ELP4: variants seen among roughly 807,000 people sequenced by gnomAD.
ELP4 encodes elongator acetyltransferase complex subunit 4, also known as elongator complex protein 4.
Under a neutral mutation model 48.9 loss-of-function variants are expected in ELP4, and 51 were observed. That is an observed-to-expected ratio of 1.04 (90% CI 0.83 to 1.32). The LOEUF is 1.32. Ranked by LOEUF, ELP4 falls within the 40% of genes most tolerant of loss-of-function variation. The pLI is 0.00. For synonymous variants in ELP4, 210 were observed against 189.2 expected, an observed-to-expected ratio of 1.11 and a Z score of -0.90; for missense variants, 519 against 514.6, an observed-to-expected ratio of 1.01 and a Z score of -0.08.
intron 9 of ELP4, among the ~76,000 whole-genome samples, chr11:31,669,824 T>C (rs1945770003): frequency 6.6e-6 from 1 of 152,222 alleles, no homozygotes; most frequent in African/African-American, 2.4e-5. Context: ...GTATTAGTAA[T>C]CAGTCCTCCA....
rs1465321307 is a variant in ELP4, at chr11:31,789,119, G to A, written c.*5595G>A. 4.9e-6 allele frequency: 1 copy of A among 202,856 alleles called. No homozygotes were observed. Among genetic ancestry groups the A allele is most frequent in the Non-Finnish European group, 1.0e-5 (1 of 98,644 alleles). The allele number at this position is 202,856 out of a possible 1,614,324, so 12.6% of individuals were successfully genotyped here. On this transcript the variant is annotated 3_prime_UTR_variant, in exon 10 of 10. Coordinates refer to ENST00000640961, the MANE Select transcript of ELP4 (RefSeq NM_019040.5). The stretch of plus-strand genomic sequence containing the variant: ...TGAACAGTAATACAACTATATCTAA[G>A]AACAATTAACTTTTGCTGGCCAAAA...
At chr11:31,608,846 G>A (rs1264804210) in intron 5 of ELP4, among the ~76,000 whole-genome samples, 1 of 152,124 alleles carries the variant, frequency 6.6e-6, no homozygotes, top group Non-Finnish European at 1.5e-5. Flanking sequence ...TTTAGATAAA[G>A]CCGAGTAGCT....
chr11:31,618,766 C>G (rs1324858683), intron 5 of ELP4, among the ~76,000 whole-genome samples: 1 of 151,948 alleles, frequency 6.6e-6, no homozygotes, highest in East Asian at 1.9e-4. Flanking sequence ...TATGAGATTC[C>G]TTTTTGAAGG....
intron 4 of ELP4, among the ~76,000 whole-genome samples, chr11:31,597,321 G>C (rs1417052211): frequency 1.3e-5 from 2 of 152,148 alleles, no homozygotes; most frequent in East Asian, 3.9e-4. Context: ...ATAGAAGGAA[G>C]CTCTGTGTAA....
rs577006624 is a variant in ELP4 at position 31,636,189 on chromosome 11, A to G, written c.927+3784A>G. ...TTCCTATTCACATGGAACTTTTTCA[A>G]CAATGTAAAAGATAGGATGGAACAG... On this transcript the variant is annotated intron_variant, in intron 7 of 9. Transcript: ENST00000640961. 8.5e-5 allele frequency among the ~76,000 whole-genome samples: 13 copies of G among 152,118 alleles called. No individual in the cohort carries two copies. The East Asian group carries it at 2.1e-3, about 25-fold the overall frequency.
intron 3 of ELP4, among the ~76,000 whole-genome samples, chr11:31,544,450 G>A (rs184453276): frequency 6.6e-6 from 1 of 152,284 alleles, no homozygotes; most frequent in Non-Finnish European, 1.5e-5. Context: ...GCTGGGGGAG[G>A]GGTGCCCGCC....
intron 9 of ELP4, among the ~76,000 whole-genome samples, chr11:31,759,896 AG>A (rs909282151): frequency 2.6e-5 from 4 of 151,896 alleles, no homozygotes; most frequent in African/African-American, 9.7e-5. Flanking sequence ...TAGCAGAGAC[AG>A]GGTTTCACTT....
chr11:31,789,426 G>A lies in ELP4; in HGVS notation c.*5902G>A, dbSNP rs1949066314. 2 of 401,194 alleles carry A rather than the reference G, an allele frequency of 5.0e-6. No individual in the cohort carries two copies. 24.9% of individuals were successfully genotyped at this position (401,194 alleles called of 1,614,324 possible). On this transcript the variant is annotated 3_prime_UTR_variant, in exon 10 of 10. Coordinates refer to ENST00000640961, the MANE Select transcript of ELP4 (RefSeq NM_019040.5). Reference sequence around the variant, plus strand: ...CAGATATTTCTGACATAAATCTAGTGCATGTTGTTCCAGGTTTAATTATAT... The same window carrying A: ...CAGATATTTCTGACATAAATCTAGTACATGTTGTTCCAGGTTTAATTATAT...
intron 9 of ELP4, among the ~76,000 whole-genome samples, chr11:31,658,594 A>G (rs1945488413): frequency 6.6e-6 from 1 of 151,920 alleles, no homozygotes; most frequent in Non-Finnish European, 1.5e-5. Context: ...ATACAGTCTA[A>G]AAGTGTGCCA....
intron 9 of ELP4, among the ~76,000 whole-genome samples, chr11:31,690,449 T>G (rs919738110): frequency 1.2e-4 from 19 of 152,104 alleles, no homozygotes; most frequent in South Asian, 2.1e-4. Context: ...ATTTTATATC[T>G]GCAATATTGT....
intron 3 of ELP4, among the ~76,000 whole-genome samples, chr11:31,586,267 A>T (rs1957471903): frequency 6.6e-6 from 1 of 152,238 alleles, no homozygotes; most frequent in African/African-American, 2.4e-5. Flanking sequence ...ACAAAGATAT[A>T]TTCTATTTTA....
intron 9 of ELP4, chr11:31,662,624 TA>T (rs1945587460): frequency 2.5e-6 from 1 of 397,788 alleles, no homozygotes; most frequent in African/African-American, 2.1e-5. Context: ...ACCCCTACTT[TA>T]AAAAGCCGCA....
intron 3 of ELP4, among the ~76,000 whole-genome samples, chr11:31,585,583 A>G (rs1957458141): frequency 6.6e-6 from 1 of 152,248 alleles, no homozygotes; most frequent in Admixed American, 6.5e-5. Context: ...ACCCAAGAAC[A>G]CAAGGAAATT....
At chr11:31,761,902 A>G (rs976989216) in intron 9 of ELP4, 1 of 152,296 alleles carries the variant, frequency 6.6e-6, no homozygotes, top group Non-Finnish European at 1.5e-5. Flanking sequence ...CAGCCTCCCA[A>G]TCAGAAAATA....
intron 3 of ELP4, among the ~76,000 whole-genome samples, chr11:31,573,153 T>C (rs1957214443): frequency 6.6e-6 from 1 of 152,230 alleles, no homozygotes; most frequent in East Asian, 1.9e-4. Context: ...CACAGTTTTA[T>C]AACCACCACC....
At chr11:31,541,145 A>G (rs1374977674) in intron 3 of ELP4, among the ~76,000 whole-genome samples, 3 of 152,244 alleles carry the variant, frequency 2.0e-5, no homozygotes, top group Admixed American at 6.5e-5. Context: ...ACTAATTCAT[A>G]ATACCTGTGA....
intron 9 of ELP4, among the ~76,000 whole-genome samples, chr11:31,674,797 A>G (rs549869800): frequency 4.6e-5 from 7 of 152,360 alleles, no homozygotes; most frequent in African/African-American, 1.7e-4. Context: ...AATTAAACTT[A>G]TTCAAGCTCA....
At chr11:31,666,004 C>CTTTTTTT (rs35902758) in intron 9 of ELP4, among the ~76,000 whole-genome samples, 68 of 85,332 alleles carry the variant, frequency 8.0e-4, no homozygotes, top group Middle Eastern at 0.011. Flanking sequence ...GTTTCAAATT[C>CTTTTTTT]TTTTTTTTTT....
intron 9 of ELP4, among the ~76,000 whole-genome samples, chr11:31,685,705 G>A (rs1258205666): frequency 3.3e-5 from 5 of 152,148 alleles, no homozygotes; most frequent in South Asian, 2.1e-4. Context: ...GGCCAGGCGC[G>A]CAGATCACGA....
Sources: gnomAD v4.1 joint callset for allele counts (sites outside exome capture counted in the v4.1 genomes callset) on GRCh38, gnomAD v4.1.1 for gene constraint, MANE v1.5 for transcripts, NCBI Gene and HGNC (gene_info 2026-07-23, HGNC 2026-07-21) for gene names.